Variants in ANKRD30BL observed in about 807,000 individuals in gnomAD.
The protein encoded by ANKRD30BL is putative ankyrin repeat domain-containing protein 30B-like.
Under a neutral mutation model 18.4 loss-of-function variants are expected in ANKRD30BL, and 20 were observed. The ratio of observed to expected loss-of-function variants is 1.09; its 90% CI spans 0.77 to 1.58. The LOEUF (loss-of-function observed/expected upper bound fraction) is 1.58, where lower values mean the gene tolerates loss of function less well. Ranked by LOEUF, ANKRD30BL falls within the 40% of genes most tolerant of loss-of-function variation. ANKRD30BL has a pLI of 0.00. For missense variants in ANKRD30BL, 224 were observed against 268.6 expected (o/e 0.83, Z 1.16); for synonymous variants, 72 against 100.9 (o/e 0.71, Z 1.72).
chr2:132,205,872 T>C (rs1472012711), intron 1 of ANKRD30BL, among the ~76,000 whole-genome samples: 2 of 151,560 alleles, frequency 1.3e-5, no homozygotes, highest in African/African-American at 4.8e-5. Flanking sequence ...TTTCAATGGG[T>C]GAAAGAGGCT....
chr2:132,222,175 C>T (rs1445885014), intron 1 of ANKRD30BL, among the ~76,000 whole-genome samples: 1 of 147,790 alleles, frequency 6.8e-6, no homozygotes. Flanking sequence ...GTGAGGAGCC[C>T]CTCTGCCTGG....
chr2:132,234,278 T>A (rs1680094263), intron 1 of ANKRD30BL, among the ~76,000 whole-genome samples: 1 of 151,846 alleles, frequency 6.6e-6, no homozygotes, highest in African/African-American at 2.4e-5. Context: ...TTAAAATAAC[T>A]AGAAAAGCAA....
chr2:132,253,651 C>T (rs112499828), intron 1 of ANKRD30BL, among the ~76,000 whole-genome samples: 19 of 150,452 alleles, frequency 1.3e-4, no homozygotes, highest in Admixed American at 3.3e-4. Context: ...GGGACGGAGT[C>T]GGCAGGGGAG....
chr2:132,173,844 G>T (rs1348757497), intron 1 of ANKRD30BL, among the ~76,000 whole-genome samples: 6 of 152,134 alleles, frequency 3.9e-5, no homozygotes, highest in African/African-American at 1.4e-4. Flanking sequence ...TATCCACAGT[G>T]TATTACTTTC....
At position 132,161,513 on chromosome 2, in the gene ANKRD30BL, G is replaced by T. The variant is rs1285319967; in HGVS notation, c.193C>A (p.Leu65Met). ...CTCTTCTTCGCATCTCTTATGTTCA[G>T]GTCCATTGTCGTCTTCTTCATCATC... ...ERMMKKTTMD[L>M]NIRDAKKRTA... Residue 65 changes from leucine to methionine, a missense_variant, in exon 1 of 6, where the codon CTG (leucine) becomes ATG (methionine). By Grantham distance (15) the Leu-to-Met change is conservative. Around this residue, in one of 3 missense-constraint regions of ANKRD30BL, gnomAD observed 131 missense variants for 128.8 expected, o/e 1.02. Transcript: ENST00000409867. The T allele has an allele frequency of 6.9e-7, 1 of 1,456,690 alleles. No individual in the cohort carries two copies. The highest frequency in any genetic ancestry group is 9.4e-7 in the Non-Finnish European group (1 of 1,063,384). 90.2% of individuals were successfully genotyped at this position (1,456,690 alleles called of 1,614,324 possible).
At chr2:132,167,496 T>C (rs1014458816) in intron 1 of ANKRD30BL, among the ~76,000 whole-genome samples, 12 of 152,038 alleles carry the variant, frequency 7.9e-5, no homozygotes, top group Non-Finnish European at 1.8e-4. Context: ...CTAACTTTTG[T>C]ATTTTTAATA....
intron 1 of ANKRD30BL, among the ~76,000 whole-genome samples, chr2:132,237,772 G>T (rs1207456365): frequency 6.6e-6 from 1 of 151,114 alleles, no homozygotes; most frequent in African/African-American, 2.4e-5. Flanking sequence ...AAAGCCTATG[G>T]TGAAACAGGA....
chr2:132,178,078 C>G (rs1688395907), intron 1 of ANKRD30BL, among the ~76,000 whole-genome samples: 2 of 152,008 alleles, frequency 1.3e-5, no homozygotes, highest in Admixed American at 1.3e-4. Context: ...AAGAGTAATA[C>G]TGGAAAAGAA....
intron 1 of ANKRD30BL, among the ~76,000 whole-genome samples, chr2:132,206,353 T>A (rs1679212438): frequency 6.6e-6 from 1 of 152,194 alleles, no homozygotes; most frequent in East Asian, 1.9e-4. Flanking sequence ...ATTAAAATAA[T>A]AATAATAATA....
chr2:132,247,137 A>C (rs546094629), intron 1 of ANKRD30BL, among the ~76,000 whole-genome samples: 1 of 151,672 alleles, frequency 6.6e-6, no homozygotes, highest in South Asian at 2.1e-4. Flanking sequence ...CTATGGTGAA[A>C]AAGGAAATAT....
intron 1 of ANKRD30BL, among the ~76,000 whole-genome samples, chr2:132,256,236 C>T (rs1446780824): frequency 2.0e-5 from 3 of 151,814 alleles, no homozygotes; most frequent in Admixed American, 6.6e-5. Context: ...ATGAGCCCGG[C>T]GTCCCAGTTG....
chr2:132,161,038 C>G (rs1308924301), intron 1 of ANKRD30BL, among the ~76,000 whole-genome samples: 1 of 144,220 alleles, frequency 6.9e-6, no homozygotes, highest in Non-Finnish European at 1.5e-5. Flanking sequence ...GGATACTGGA[C>G]TTTATCCAAA....
chr2:132,235,090 A>G (rs1303989675), intron 1 of ANKRD30BL, among the ~76,000 whole-genome samples: 1 of 152,186 alleles, frequency 6.6e-6, no homozygotes, highest in Non-Finnish European at 1.5e-5. Context: ...AAAAAACCAC[A>G]TGATTATCTC....
At chr2:132,247,993 AC>A (rs1248277387) in intron 1 of ANKRD30BL, among the ~76,000 whole-genome samples, 2 of 152,048 alleles carry the variant, frequency 1.3e-5, no homozygotes, top group African/African-American at 4.8e-5. Flanking sequence ...CTACAATAAG[AC>A]TTTTTCCAAA....
chr2:132,176,402 C>T (rs919729592), intron 1 of ANKRD30BL, among the ~76,000 whole-genome samples: 1 of 152,048 alleles, frequency 6.6e-6, no homozygotes, highest in African/African-American at 2.4e-5. Flanking sequence ...GTGGCACATG[C>T]CTGTAATCTC....
At chr2:132,245,797 A>G (rs1680483042) in intron 1 of ANKRD30BL, among the ~76,000 whole-genome samples, 2 of 128,628 alleles carry the variant, frequency 1.6e-5, no homozygotes, top group Admixed American at 1.6e-4. Context: ...TTCACATAAA[A>G]ACTAGACAGA....
intron 1 of ANKRD30BL, among the ~76,000 whole-genome samples, chr2:132,232,876 A>C (rs1011782718): frequency 6.6e-6 from 1 of 152,058 alleles, no homozygotes; most frequent in African/African-American, 2.4e-5. Flanking sequence ...TCCAAGACAC[A>C]TAATTGTCAG....
At chr2:132,248,693 G>T (rs76287643) in intron 1 of ANKRD30BL, among the ~76,000 whole-genome samples, 1 of 150,488 alleles carries the variant, frequency 6.6e-6, no homozygotes, top group African/African-American at 2.4e-5. Flanking sequence ...TTCCAGACTC[G>T]TCAAAGAATA....
At chr2:132,249,901 A>G (rs1467183401) in intron 1 of ANKRD30BL, among the ~76,000 whole-genome samples, 3 of 152,222 alleles carry the variant, frequency 2.0e-5, no homozygotes, top group Non-Finnish European at 4.4e-5. Flanking sequence ...CTGCTCAATG[A>G]AAAGAAACAT....
Sources: gnomAD v4.1 joint callset for allele counts (sites outside exome capture counted in the v4.1 genomes callset) on GRCh38, gnomAD v4.1.1 for gene constraint, gnomAD v4.1.1 regional missense constraint, MANE v1.5 for transcripts, NCBI Gene and HGNC (gene_info 2026-07-23, HGNC 2026-07-21) for gene names.